ATRNL1: variants seen among roughly 807,000 people sequenced by gnomAD.
The protein encoded by ATRNL1 is attractin like 1.
In ATRNL1, 95 loss-of-function variants were observed where a neutral mutation model predicts 182.7. The ratio of observed to expected loss-of-function variants is 0.52; its 90% CI spans 0.44 to 0.62. The LOEUF (loss-of-function observed/expected upper bound fraction) is 0.62, where lower values mean the gene tolerates loss of function less well. Ranked by LOEUF, ATRNL1 falls within the 20% of genes least tolerant of loss-of-function variation. The pLI is 0.00. For missense variants in ATRNL1, 1,471 were observed against 1,679.5 expected, an observed-to-expected ratio of 0.88 and a Z score of 2.17; for synonymous variants, 576 against 568.3, an observed-to-expected ratio of 1.01 and a Z score of -0.19.
At chr10:115,558,458 C>T (rs1439453980) in intron 26 of ATRNL1, among the ~76,000 whole-genome samples, 8 of 152,172 alleles carry the variant, frequency 5.3e-5, no homozygotes, top group Admixed American at 5.2e-4. Flanking sequence ...GGTCCCTGCT[C>T]GGCCTGTGGC....
intron 19 of ATRNL1, among the ~76,000 whole-genome samples, chr10:115,337,719 C>T (rs1855559059): frequency 6.6e-6 from 1 of 152,100 alleles, no homozygotes; most frequent in African/African-American, 2.4e-5. Context: ...TTGCAAATGA[C>T]AGGATCTCAT....
chr10:115,817,877 G>T (rs1187816774), intron 27 of ATRNL1, among the ~76,000 whole-genome samples: 2 of 133,886 alleles, frequency 1.5e-5, no homozygotes, highest in African/African-American at 2.8e-5. Context: ...TTTACGTTGT[G>T]TTTTTTTTTT....
At chr10:115,538,504 A>C (rs1852171219) in intron 25 of ATRNL1, among the ~76,000 whole-genome samples, 1 of 152,158 alleles carries the variant, frequency 6.6e-6, no homozygotes, top group Non-Finnish European at 1.5e-5. Flanking sequence ...TCTTTGGTGA[A>C]GTATTTTTCA....
intron 8 of ATRNL1, among the ~76,000 whole-genome samples, chr10:115,183,998 A>G (rs2144179644): frequency 6.6e-6 from 1 of 151,660 alleles, no homozygotes; most frequent in East Asian, 1.9e-4. Context: ...TATAATAAGC[A>G]TCCTTGGATG....
rs11197223 is a variant in ATRNL1 at position 115,461,253 on chromosome 10, C to T, written c.3323-688C>T. 7.6e-3 allele frequency among the ~76,000 whole-genome samples: 1,160 copies of T among 152,068 alleles called. 17 individuals are homozygous for T. The highest frequency in any genetic ancestry group is 0.027 in the African/African-American group (1,117 of 41,530). ...GTTTAATGTTATTAGCAATACATCA[C>T]CTTCATGTAATATGCATAGCCACTC... On this transcript the variant is annotated intron_variant, in intron 21 of 28. Transcript: ENST00000355044.
chr10:115,771,159 A>G (rs1593193456), intron 27 of ATRNL1, among the ~76,000 whole-genome samples: 1 of 152,230 alleles, frequency 6.6e-6, no homozygotes, highest in Non-Finnish European at 1.5e-5. Context: ...AAGAAATATC[A>G]GAGCAACCAG....
At chr10:115,480,236 A>ACG (rs61154416) in intron 24 of ATRNL1, among the ~76,000 whole-genome samples, 136 of 149,934 alleles carry the variant, frequency 9.1e-4, no homozygotes, top group Admixed American at 1.2e-3. Context: ...ACACACACAC[A>ACG]AAACAGAAAA....
rs138534725 is a variant in ATRNL1, at chr10:115,488,103, G to A, written c.3654+18774G>A. ...GATTGTGGTGGATAAGCTTTTTGATGTGCTGCTGGATTCAATTTGCCGGTA... is the reference window on the plus strand; with the variant it reads ...GATTGTGGTGGATAAGCTTTTTGATATGCTGCTGGATTCAATTTGCCGGTA... On this transcript the variant is annotated intron_variant, in intron 24 of 28. Transcript: ENST00000355044. Among the ~76,000 whole-genome samples, 924 of 152,274 alleles carry A rather than the reference G, an allele frequency of 6.1e-3. 12 individuals are homozygous for A. Among genetic ancestry groups the A allele is most frequent in the Middle Eastern group, 0.01 (3 of 294 alleles).
intron 19 of ATRNL1, among the ~76,000 whole-genome samples, chr10:115,384,987 ATATT>A (rs1196702672): frequency 2.0e-5 from 3 of 151,604 alleles, no homozygotes; most frequent in African/African-American, 7.3e-5. Context: ...ATTAGTGTTA[ATATT>A]TATGTGTTTA....
chr10:115,506,333 A>G (rs1850110802), intron 24 of ATRNL1, among the ~76,000 whole-genome samples: 1 of 152,116 alleles, frequency 6.6e-6, no homozygotes, highest in Non-Finnish European at 1.5e-5. Flanking sequence ...ATACAACAAC[A>G]ACAAAAACAG....
chr10:115,888,205 A>G (rs1444034237), intron 28 of ATRNL1, among the ~76,000 whole-genome samples: 1 of 152,180 alleles, frequency 6.6e-6, no homozygotes, highest in African/African-American at 2.4e-5. Context: ...CTTAGATTGT[A>G]GCTCAATCAT....
rs115137976 is a variant in ATRNL1 at position 115,356,455 on chromosome 10, G to A, written c.3175+22036G>A. ...CAAAGAGAGGCCATCCTTTTGAGCT[G>A]TTTTCATTCTTTTTGTTTTCATAAA... On this transcript the variant is annotated intron_variant, in intron 19 of 28. Coordinates refer to ENST00000355044, the MANE Select transcript of ATRNL1 (RefSeq NM_207303.4). Among the ~76,000 whole-genome samples, 966 of 152,088 alleles carry A rather than the reference G, an allele frequency of 6.4e-3. 15 individuals are homozygous for A. Among genetic ancestry groups the A allele is most frequent in the African/African-American group, 0.022 (903 of 41,544 alleles).
At chr10:115,531,839 C>A (rs1851604247) in intron 25 of ATRNL1, among the ~76,000 whole-genome samples, 1 of 144,182 alleles carries the variant, frequency 6.9e-6, no homozygotes, top group South Asian at 2.3e-4. Context: ...TTTCAGCATT[C>A]TACGTATGGC....
intron 26 of ATRNL1, among the ~76,000 whole-genome samples, chr10:115,630,689 A>G (rs1858427315): frequency 6.7e-6 from 1 of 148,218 alleles, no homozygotes; most frequent in East Asian, 1.9e-4. Context: ...TAGTATTTAT[A>G]TATGTATATT....
Position 115,204,492 on chromosome 10 carries a change from T to C in ATRNL1, c.1349-11205T>C, listed in dbSNP as rs533549813. 2.6e-5 allele frequency among the ~76,000 whole-genome samples: 4 copies of C among 152,250 alleles called. No individual in the cohort carries two copies. In the East Asian group the frequency reaches 7.7e-4, roughly 29 times the overall value. ...CCTAATTTGCTGAGAGTTTTTATCA[T>C]GAAAATATGTTGAATTCTATCAAAT... On this transcript the variant is annotated intron_variant, in intron 8 of 28. Coordinates refer to ENST00000355044, the MANE Select transcript of ATRNL1 (RefSeq NM_207303.4).
At chr10:115,361,368 G>A (rs1466629748) in intron 19 of ATRNL1, among the ~76,000 whole-genome samples, 12 of 151,676 alleles carry the variant, frequency 7.9e-5, no homozygotes, top group African/African-American at 2.7e-4. Context: ...TATAGTTTCG[G>A]CATTTATCTT....
At position 115,912,686 on chromosome 10, in the gene ATRNL1, TA is replaced by T. The variant is rs879962527; in HGVS notation, c.4019-31960del. 9.1e-3 allele frequency among the ~76,000 whole-genome samples: 1,324 copies of T among 145,758 alleles called. 10 individuals carry two copies. The highest frequency in any genetic ancestry group is 0.023 in the African/African-American group (922 of 39,990). ...GAAAATTGACAGCTTAGATGAATGG[TA>T]AAAAAAAAAAATTCCATGAATTATC... On this transcript the variant is annotated intron_variant, in intron 28 of 28. Transcript: ENST00000355044.
At chr10:115,200,377 C>CT (rs1388230182) in intron 8 of ATRNL1, among the ~76,000 whole-genome samples, 1 of 106,110 alleles carries the variant, frequency 9.4e-6, no homozygotes, top group Non-Finnish European at 1.9e-5. Flanking sequence ...TCCCTCCCCC[C>CT]TCCCCCCACC....
chr10:115,737,368 C>T (rs782056574), intron 27 of ATRNL1, among the ~76,000 whole-genome samples: 3 of 150,018 alleles, frequency 2.0e-5, no homozygotes, highest in African/African-American at 4.9e-5. Context: ...CCCGGGAGTT[C>T]GAGGCTGCAG....
Sources: gnomAD v4.1 joint callset for allele counts (sites outside exome capture counted in the v4.1 genomes callset) on GRCh38, gnomAD v4.1.1 for gene constraint, MANE v1.5 for transcripts, NCBI Gene and HGNC (gene_info 2026-07-23, HGNC 2026-07-21) for gene names.